Variants in SERINC5 observed in about 807,000 individuals in gnomAD.
SERINC5 encodes the protein chromosome 5 open reading frame 12.
A neutral mutation model predicts 63.1 loss-of-function variants in SERINC5; 41 were observed. That is an observed-to-expected ratio of 0.65 (90% CI 0.51 to 0.84). SERINC5 has a LOEUF of 0.84. Among genes scored for constraint, SERINC5 ranks in the 40% least tolerant of loss-of-function variants. SERINC5 has a pLI of 0.00. For synonymous variants in SERINC5, 222 were observed against 215.2 expected (o/e 1.03, Z -0.28); for missense variants, 523 against 573.0 (o/e 0.91, Z 0.89).
chr5:80,184,041 C>T (rs1748642539), intron 2 of SERINC5, among the ~76,000 whole-genome samples: 1 of 152,074 alleles, frequency 6.6e-6, no homozygotes, highest in South Asian at 2.1e-4. Context: ...GTAGGGGACA[C>T]ACACAAAAAT....
At chr5:80,241,123 G>A (rs1208078902) in intron 1 of SERINC5, among the ~76,000 whole-genome samples, 1 of 152,064 alleles carries the variant, frequency 6.6e-6, no homozygotes, top group African/African-American at 2.4e-5. Flanking sequence ...AAGTTTTGAT[G>A]CTTCTCCCTT....
intron 7 of SERINC5, among the ~76,000 whole-genome samples, chr5:80,164,905 T>A: frequency 7.1e-6 from 1 of 140,262 alleles, no homozygotes; most frequent in East Asian, 2.1e-4. Flanking sequence ...AATAACTTTT[T>A]TTCTGTTTTT....
At chr5:80,243,396 A>T (rs1015885691) in intron 1 of SERINC5, among the ~76,000 whole-genome samples, 1 of 152,154 alleles carries the variant, frequency 6.6e-6, no homozygotes, top group Non-Finnish European at 1.5e-5. Flanking sequence ...CTTTAACAAC[A>T]TTAGGGAGAC....
chr5:80,122,930 C>G (rs1348994930), intron 11 of SERINC5, among the ~76,000 whole-genome samples: 1 of 152,232 alleles, frequency 6.6e-6, no homozygotes, highest in African/African-American at 2.4e-5. Flanking sequence ...AGCTCTGCAA[C>G]CAATACCTTG....
At chr5:80,170,887 G>C (rs1747606371) in intron 5 of SERINC5, among the ~76,000 whole-genome samples, 1 of 152,190 alleles carries the variant, frequency 6.6e-6, no homozygotes, top group Non-Finnish European at 1.5e-5. Flanking sequence ...CAAACTTGTA[G>C]TCCCAGCTGC....
At chr5:80,220,995 G>A (rs747436616) in intron 1 of SERINC5, among the ~76,000 whole-genome samples, 2 of 151,966 alleles carry the variant, frequency 1.3e-5, no homozygotes, top group Non-Finnish European at 2.9e-5. Context: ...AGTGGAGGAA[G>A]CCCCCCAAAA....
Position 80,140,485 on chromosome 5 carries a change from C to G in SERINC5, c.*3178G>C. On this transcript the variant is annotated 3_prime_UTR_variant, in exon 12 of 12. Coordinates refer to ENST00000507668, the MANE Select transcript of SERINC5 (RefSeq NM_001174072.3). ...ATAACTCCACCCTCCCCACAACCCACCCCCACTCTATCTCCCCTTCAAAGA... is the reference window on the plus strand; with the variant it reads ...ATAACTCCACCCTCCCCACAACCCAGCCCCACTCTATCTCCCCTTCAAAGA... 1.0e-6 allele frequency: 1 copy of G among 982,770 alleles called. No individual in the cohort carries two copies. Among genetic ancestry groups the G allele is most frequent in the Non-Finnish European group, 1.2e-6 (1 of 828,964 alleles). The allele number at this position is 982,770 out of a possible 1,614,324, so 60.9% of individuals were successfully genotyped here.
intron 2 of SERINC5, among the ~76,000 whole-genome samples, chr5:80,179,032 G>T (rs1748242476): frequency 6.6e-6 from 1 of 152,178 alleles, no homozygotes; most frequent in South Asian, 2.1e-4. Context: ...AGACACGGTG[G>T]CTCATGCCTG....
chr5:80,117,642 G>GAAAA lies in SERINC5; in HGVS notation c.1239-4021_1239-4018dup, dbSNP rs11431034. ...ATGTACTAGTCTTCCTGTGGCTACT[G>GAAAA]AAAAAAAAAAAAAAAAAGACCACAA... On this transcript the variant is annotated intron_variant, in intron 11 of 12. Transcript: ENST00000509193. Among the ~76,000 whole-genome samples, 188 of 124,520 alleles carry GAAAA rather than the reference G, an allele frequency of 1.5e-3. 3 individuals are homozygous for GAAAA. In the South Asian group the frequency reaches 0.017, roughly 11 times the overall value. 81.7% of individuals were successfully genotyped at this position (124,520 alleles called of 152,430 possible).
At chr5:80,137,374 C>G (rs1414080557), downstream of SERINC5, among the ~76,000 whole-genome samples, 3 of 152,028 alleles carry the variant, frequency 2.0e-5, no homozygotes, top group Admixed American at 6.6e-5. Context: ...GGCACAGTGG[C>G]TCACACCTGT....
At chr5:80,134,161 AG>A (rs1378034326), downstream of SERINC5, among the ~76,000 whole-genome samples, 1 of 152,152 alleles carries the variant, frequency 6.6e-6, no homozygotes, top group African/African-American at 2.4e-5. Context: ...GTGTTTGTTC[AG>A]GGAAAGGGCT....
At position 80,140,472 on chromosome 5, in the gene SERINC5, T is replaced by G; in HGVS notation, c.*3191A>C. The G allele has an allele frequency of 3.4e-6, 2 of 591,564 alleles. No individual in the cohort carries two copies. The highest frequency in any genetic ancestry group is 4.2e-6 in the Non-Finnish European group (2 of 480,838). 36.6% of individuals were successfully genotyped at this position (591,564 alleles called of 1,614,324 possible). On this transcript the variant is annotated 3_prime_UTR_variant, in exon 12 of 12. Coordinates refer to ENST00000507668, the MANE Select transcript of SERINC5 (RefSeq NM_001174072.3). ...CCCCAAAACCCCAATAACTCCACCC[T>G]CCCCACAACCCACCCCCACTCTATC...
intron 7 of SERINC5, among the ~76,000 whole-genome samples, chr5:80,165,230 T>C (rs1175612128): frequency 6.6e-6 from 1 of 151,926 alleles, no homozygotes; most frequent in Non-Finnish European, 1.5e-5. Context: ...GGTTAGGCAA[T>C]AGTTACTTAA....
Position 80,140,928 on chromosome 5 carries a change from C to CT in SERINC5, c.*2734dup, listed in dbSNP as rs1745469976. ...ACAAAAAGGTGTAGGAAGCAAATGT[C>CT]TATTATTTTTAAAAGATATCAGTGA... On this transcript the variant is annotated 3_prime_UTR_variant, in exon 12 of 12. Coordinates refer to ENST00000507668, the MANE Select transcript of SERINC5 (RefSeq NM_001174072.3). The CT allele has an allele frequency of 1.0e-6, 1 of 985,158 alleles. No individual in the cohort carries two copies. Among genetic ancestry groups the CT allele is most frequent in the African/African-American group, 1.7e-5 (1 of 57,208 alleles). The allele number at this position is 985,158 out of a possible 1,614,324, so 61.0% of individuals were successfully genotyped here.
rs6888370 is a variant in SERINC5, at chr5:80,180,138, A to G, written c.196-2074T>C. ...GACAATAGCTTATTCTAGCCAAATT[A>G]GAAGACTTCCACATGAAATAATCAG... On this transcript the variant is annotated intron_variant, in intron 2 of 11. Coordinates refer to ENST00000507668, the MANE Select transcript of SERINC5 (RefSeq NM_001174072.3). 9.5e-3 allele frequency among the ~76,000 whole-genome samples: 1,448 copies of G among 152,326 alleles called. 19 individuals carry two copies. The highest frequency in any genetic ancestry group is 0.033 in the African/African-American group (1,364 of 41,558).
intron 2 of SERINC5, among the ~76,000 whole-genome samples, chr5:80,185,105 C>A (rs948490578): frequency 1.3e-5 from 2 of 152,120 alleles, no homozygotes; most frequent in African/African-American, 4.8e-5. Context: ...AAACTCCTAA[C>A]CTCAGGTGAT....
intron 8 of SERINC5, 120 bp from the exon 9 acceptor site, chr5:80,151,068 G>A: frequency 1.3e-6 from 1 of 751,120 alleles, no homozygotes; most frequent in East Asian, 2.5e-5. Context: ...CCGTTCAGGA[G>A]ACTTAAATCA....
intron 11 of SERINC5, chr5:80,116,421 C>T (rs1384566751): frequency 2.3e-6 from 1 of 433,810 alleles, no homozygotes; most frequent in African/African-American, 2.1e-5. Flanking sequence ...CACTATGAAC[C>T]TTATCAGAAA....
At chr5:80,243,306 G>A (rs896221309) in intron 1 of SERINC5, among the ~76,000 whole-genome samples, 3 of 151,986 alleles carry the variant, frequency 2.0e-5, no homozygotes, top group Non-Finnish European at 4.4e-5. Flanking sequence ...CCACTTTACA[G>A]ATAAAAAAAG....
Sources: gnomAD v4.1 joint callset for allele counts (sites outside exome capture counted in the v4.1 genomes callset) on GRCh38, gnomAD v4.1.1 for gene constraint, MANE v1.5 for transcripts, NCBI Gene and HGNC (gene_info 2026-07-23, HGNC 2026-07-21) for gene names.